ZNF418: variants seen among roughly 807,000 people sequenced by gnomAD.
ZNF418 encodes zinc finger protein 418.
A neutral mutation model predicts 32.0 loss-of-function variants in ZNF418; 32 were observed. That is an observed-to-expected ratio of 1.00 (90% CI 0.75 to 1.34). The LOEUF is 1.34. ZNF418 is among the 40% of genes most tolerant of loss of function. The pLI, the probability that ZNF418 is intolerant of heterozygous loss-of-function variation, is 0.00. For synonymous variants in ZNF418, 276 were observed against 270.7 expected, an observed-to-expected ratio of 1.02 and a Z score of -0.19; for missense variants, 804 against 812.5, an observed-to-expected ratio of 0.99 and a Z score of 0.13.
intron 2 of ZNF418, chr19:57,932,707 C>T: frequency 3.3e-6 from 4 of 1,224,022 alleles, no homozygotes; most frequent in Non-Finnish European, 4.3e-6. Context: ...CAGCTGTCCA[C>T]CCCAGGCCCA....
In ZNF418 at chr19:57,922,460, T is replaced by C. The variant is rs1316757147; in HGVS notation, c.*795A>G. On this transcript the variant is annotated 3_prime_UTR_variant, in exon 6 of 6. Coordinates refer to ENST00000396147, the MANE Select transcript of ZNF418 (RefSeq NM_133460.3). ...GAGGGAGTTACCAATTCAACACATA[T>C]TTACCCATGACTTCCACGGTGGCTC... 2.5e-6 allele frequency: 1 copy of C among 397,252 alleles called. No homozygotes were observed. Among genetic ancestry groups the C allele is most frequent in the African/African-American group, 2.1e-5 (1 of 48,612 alleles). The allele number at this position is 397,252 out of a possible 1,614,324, so 24.6% of individuals were successfully genotyped here.
intron 1 of ZNF418, 158 bp downstream of exon 1, chr19:57,935,003 G>C: frequency 7.0e-7 from 1 of 1,423,160 alleles, no homozygotes; most frequent in East Asian, 3.3e-5. Context: ...TCTCCCCACC[G>C]CATCCCACAG....
intron 3 of ZNF418, 97 bp from the exon 4 acceptor site, chr19:57,928,144 G>T (rs1359494474): frequency 1.9e-6 from 2 of 1,049,924 alleles, no homozygotes; most frequent in African/African-American, 1.6e-5. Context: ...ATTACTCCAT[G>T]GAAATATTTG....
intron 4 of ZNF418, among the ~76,000 whole-genome samples, chr19:57,925,188 C>T (rs564634602): frequency 9.9e-5 from 15 of 152,132 alleles, no homozygotes; most frequent in Admixed American, 2.0e-4. Flanking sequence ...CCGCTGGGTG[C>T]GGTGGCTCAC....
At chr19:57,934,721 C>T (rs1220311571) in intron 1 of ZNF418, 3 of 217,556 alleles carry the variant, frequency 1.4e-5, no homozygotes, top group African/African-American at 6.9e-5. Context: ...GAGTCAACCT[C>T]CCAGAACCCT....
At position 57,927,828 on chromosome 19, in the gene ZNF418, T is replaced by A; in HGVS notation, c.353A>T (p.Lys118Ile). 2 of 1,614,086 alleles carry A rather than the reference T, an allele frequency of 1.2e-6. No individual in the cohort carries two copies. Residue 118 changes from lysine (K) to isoleucine (I), a missense_variant, in exon 4 of 6, where the codon AAA becomes ATA. Lys to Ile is a moderately radical substitution (Grantham distance 102, BLOSUM62 -3). Around this residue, in one of 3 missense-constraint regions of ZNF418, gnomAD observed 307 missense variants for 304.9 expected, o/e 1.01. Coordinates refer to ENST00000396147, the MANE Select transcript of ZNF418 (RefSeq NM_133460.3). The part of the protein sequence containing the change: ...KLHRCEAWGN[K>I]LYDSSNRPHQ... ...CGGACGGTTTGAACTATCATACAAT[T>A]TATTCCCCCATGCCTCACACCTGTG...
In ZNF418 at chr19:57,928,050, G is replaced by C; in HGVS notation, c.134-3C>G. ...ATCTTCTGATCCACACCAACAACCT[G>C]AAAGCAAGAAAATGCTGATGAATTC... On this transcript the variant is annotated splice_region_variant and splice_polypyrimidine_tract_variant and intron_variant, in intron 3 of 5. Transcript: ENST00000396147. 1 of 1,520,156 alleles carries C rather than the reference G, an allele frequency of 6.6e-7. No homozygotes were observed. Among genetic ancestry groups the C allele is most frequent in the Non-Finnish European group, 8.8e-7 (1 of 1,132,482 alleles). 94.2% of individuals were successfully genotyped at this position (1,520,156 alleles called of 1,614,324 possible).
intron 2 of ZNF418, 69 bp downstream of exon 2, chr19:57,933,748 T>G: frequency 5.6e-6 from 9 of 1,597,038 alleles, no homozygotes; most frequent in Non-Finnish European, 7.7e-6. Flanking sequence ...CTAGTTGCCA[T>G]TTTACAAACT....
At chr19:57,934,305 C>T in intron 1 of ZNF418, 1 of 797,996 alleles carries the variant, frequency 1.3e-6, no homozygotes. Context: ...ACCTCTGCCT[C>T]CCGAGTTCAA....
intron 2 of ZNF418, 51 bp from the exon 3 acceptor site, chr19:57,930,605 C>A (rs775327782): frequency 6.2e-7 from 1 of 1,609,524 alleles, no homozygotes; most frequent in South Asian, 1.1e-5. Flanking sequence ...TGCTGAGGTA[C>A]CACAATCCAC....
At position 57,929,536 on chromosome 19, in the gene ZNF418, T is replaced by C. The variant is rs563049759; in HGVS notation, c.133+892A>G. Among the ~76,000 whole-genome samples, 5 of 152,302 alleles carry C rather than the reference T, an allele frequency of 3.3e-5. No individual in the cohort carries two copies. The South Asian group carries it at 8.3e-4, about 25-fold the overall frequency. ...AGCCAGGAAGGCCATTTCCACCTGA[T>C]TAAATTGAAATGCTGGCTGGTCACA... On this transcript the variant is annotated intron_variant, in intron 3 of 5. Transcript: ENST00000396147.
At chr19:57,923,428 A>C (rs1427126665) in intron 4 of ZNF418, 139 bp from the exon 5 acceptor site, 2 of 151,602 alleles carry the variant, frequency 1.3e-5, no homozygotes, top group South Asian at 2.1e-4. Flanking sequence ...ATATATATAC[A>C]TATACACACA....
chr19:57,922,538 T>C lies in ZNF418; in HGVS notation c.*717A>G, dbSNP rs757241888. Reference sequence around the variant, plus strand: ...GAGAGAACATGCAGATCATAATCAGTTCATATTTATAATCTTGGGCTGGAG... The same window carrying C: ...GAGAGAACATGCAGATCATAATCAGCTCATATTTATAATCTTGGGCTGGAG... On this transcript the variant is annotated 3_prime_UTR_variant, in exon 6 of 6. Coordinates refer to ENST00000396147, the MANE Select transcript of ZNF418 (RefSeq NM_133460.3). The C allele has an allele frequency of 4.5e-5, 18 of 398,372 alleles. No homozygotes were observed. Among genetic ancestry groups the C allele is most frequent in the Non-Finnish European group, 7.1e-5 (16 of 226,046 alleles). The allele number at this position is 398,372 out of a possible 1,614,324, so 24.7% of individuals were successfully genotyped here. A position where few individuals can be genotyped will look rare whatever the true frequency, so the allele number is the denominator to read the frequency against.
chr19:57,923,443 CAT>C (rs1307919008), intron 4 of ZNF418, among the ~76,000 whole-genome samples, 154 bp from the exon 5 acceptor site: 3 of 135,304 alleles, frequency 2.2e-5, no homozygotes, highest in African/African-American at 7.7e-5. Context: ...CACACACATA[CAT>C]ATATACACAC....
chr19:57,934,905 T>C (rs1600190472), intron 1 of ZNF418: 1 of 721,732 alleles, frequency 1.4e-6, no homozygotes, highest in East Asian at 4.3e-5. Context: ...TCACACGTTG[T>C]TCCCTACAGG....
chr19:57,926,563 A>G lies in ZNF418; in HGVS notation c.1618T>C (p.Cys540Arg), dbSNP rs761861989. The change falls in exon 4 of 6, where the codon TGT becomes CGT. Residue 540 changes from cysteine (C) to arginine (R), a missense_variant. Around this residue, in one of 3 missense-constraint regions of ZNF418, gnomAD observed 475 missense variants for 458.6 expected, o/e 1.04. Transcript: ENST00000396147. ...TGAAATGACTTTCCACATTCTCCAC[A>G]TTCATAAGGCCTTTCTCCAGTATGA... Reference protein sequence around the residue: ...RVHTGERPYECGECGKSFHQS... With the variant: ...RVHTGERPYERGECGKSFHQS... The G allele has an allele frequency of 1.2e-6, 2 of 1,614,136 alleles. No homozygotes were observed. Among genetic ancestry groups the G allele is most frequent in the East Asian group, 2.2e-5 (1 of 44,886 alleles).
Position 57,926,208 on chromosome 19 carries a change from C to T in ZNF418, c.1973G>A (p.Arg658Gln), listed in dbSNP as rs373108176. 1.6e-5 allele frequency: 26 copies of T among 1,613,760 alleles called. 1 individual carries two copies. The highest frequency in any genetic ancestry group is 8.0e-5 in the African/African-American group (6 of 74,968). The change falls in exon 4 of 6, where the codon CGA (arginine) becomes CAA (glutamine). Residue 658 changes from arginine (R) to glutamine (Q), a missense_variant. By Grantham distance (43) the Arg-to-Gln change is conservative. Around this residue, in one of 3 missense-constraint regions of ZNF418, gnomAD observed 475 missense variants for 458.6 expected, o/e 1.04. Coordinates refer to ENST00000396147, the MANE Select transcript of ZNF418 (RefSeq NM_133460.3). The stretch of plus-strand genomic sequence containing the variant: ...CTGATGTCGAAGGAGAGAAGAGCTT[C>T]GATGAAATGATTTTCCACATTCACT... ...ECSECGKSFH[R>Q]SSSLLRHQRV...
chr19:57,925,417 C>CCT (rs1568538954), intron 4 of ZNF418, among the ~76,000 whole-genome samples: 2 of 150,654 alleles, frequency 1.3e-5, no homozygotes, highest in Non-Finnish European at 2.9e-5. Flanking sequence ...GCTGAGATCA[C>CCT]GCCACTGTAC....
Position 57,935,267 on chromosome 19 carries a change from CAAG to C in ZNF418, c.-190_-188del, listed in dbSNP as rs528355966. 1,036 of 1,138,322 alleles carry C rather than the reference CAAG, an allele frequency of 9.1e-4. 1 individual carries two copies. The highest frequency in any genetic ancestry group is 1.0e-3 in the Non-Finnish European group (939 of 914,074). 70.5% of individuals were successfully genotyped at this position (1,138,322 alleles called of 1,614,324 possible). A position where few individuals can be genotyped will look rare whatever the true frequency, so the allele number is the denominator to read the frequency against. The stretch of plus-strand genomic sequence containing the variant: ...GGGCCTAAGATCTGCCTCTGTGCAG[CAAG>C]AAGGACTCTTCACCTTCTGGGTTCA... On this transcript the variant is annotated 5_prime_UTR_variant, in exon 1 of 6. Transcript: ENST00000396147.
Sources: gnomAD v4.1 joint callset for allele counts (sites outside exome capture counted in the v4.1 genomes callset) on GRCh38, gnomAD v4.1.1 for gene constraint, gnomAD v4.1.1 regional missense constraint, MANE v1.5 for transcripts, NCBI Gene and HGNC (gene_info 2026-07-23, HGNC 2026-07-21) for gene names.